Variants in CFAP54 observed in about 807,000 individuals in gnomAD.
CFAP54 encodes cilia- and flagella-associated protein 54.
In CFAP54, 290 loss-of-function variants were observed where a neutral mutation model predicts 370.4. The observed-to-expected ratio is 0.78, with a 90% CI of 0.71 to 0.86. The LOEUF is 0.86. CFAP54 is among the 40% of genes least tolerant of loss of function. CFAP54 has a pLI of 0.00. For synonymous variants in CFAP54, 1,206 were observed against 1,236.5 expected, an observed-to-expected ratio of 0.98 and a Z score of 0.52; for missense variants, 3,399 against 3,528.7, an observed-to-expected ratio of 0.96 and a Z score of 0.93.
chr12:96,642,230 T>C (rs1956738661), intron 32 of CFAP54, among the ~76,000 whole-genome samples: 1 of 152,178 alleles, frequency 6.6e-6, no homozygotes, highest in African/African-American at 2.4e-5. Flanking sequence ...CATGCTTCCA[T>C]CATTTTTTTG....
chr12:96,826,859 T>G (rs1392633109), intron 65 of CFAP54, among the ~76,000 whole-genome samples: 30 of 117,778 alleles, frequency 2.5e-4, no homozygotes, highest in African/African-American at 7.6e-4. Flanking sequence ...TATAATATAT[T>G]ATATAATATT....
Position 96,589,627 on chromosome 12 carries a change from A to G in CFAP54, c.3212+64A>G. 6 of 1,000,302 alleles carry G rather than the reference A, an allele frequency of 6.0e-6. No individual in the cohort carries two copies. The South Asian group carries it at 9.5e-5, about 16-fold the overall frequency. 62.0% of individuals were successfully genotyped at this position (1,000,302 alleles called of 1,614,324 possible). A position where few individuals can be genotyped will look rare whatever the true frequency, so the allele number is the denominator to read the frequency against. On this transcript the variant is annotated intron_variant, in intron 23 of 67. Transcript: ENST00000524981. ...TTGAAAATATAGATGCTGGATGCGA[A>G]GCCTGGAATTATTTTTAATATCATG...
At chr12:96,539,986 A>G (rs1325790278) in intron 13 of CFAP54, among the ~76,000 whole-genome samples, 3 of 152,224 alleles carry the variant, frequency 2.0e-5, no homozygotes, top group Admixed American at 6.5e-5. Context: ...TTTATCATGT[A>G]CTCTGTTAAG....
chr12:96,561,753 A>G (rs1955819250), intron 17 of CFAP54, among the ~76,000 whole-genome samples: 1 of 144,616 alleles, frequency 6.9e-6, no homozygotes, highest in Admixed American at 7.0e-5. Context: ...ACACATGTAT[A>G]TATATTTAAA....
At chr12:96,571,077 C>T (rs143861751) in intron 19 of CFAP54, among the ~76,000 whole-genome samples, 9 of 152,286 alleles carry the variant, frequency 5.9e-5, no homozygotes, top group Non-Finnish European at 1.3e-4. Context: ...GGTACTTTAT[C>T]ATTCCAGTCC....
intron 25 of CFAP54, among the ~76,000 whole-genome samples, chr12:96,595,183 A>G (rs917559505): frequency 7.9e-5 from 12 of 152,284 alleles, no homozygotes; most frequent in African/African-American, 2.4e-4. Flanking sequence ...TCCTTGCCAC[A>G]TGGCCCTTCC....
intron 12 of CFAP54, among the ~76,000 whole-genome samples, 191 bp from the exon 13 acceptor site, chr12:96,538,193 T>A (rs995599550): frequency 6.6e-6 from 1 of 152,136 alleles, no homozygotes; most frequent in Non-Finnish European, 1.5e-5. Flanking sequence ...AATCACTTAA[T>A]CTCCTTGTGT....
intron 26 of CFAP54, among the ~76,000 whole-genome samples, chr12:96,620,358 C>A (rs1956472579): frequency 6.6e-6 from 1 of 152,106 alleles, no homozygotes; most frequent in Non-Finnish European, 1.5e-5. Flanking sequence ...CTGTGCTGTT[C>A]TGGTGATAGT....
intron 26 of CFAP54, among the ~76,000 whole-genome samples, chr12:96,616,374 AG>A (rs1956417880): frequency 6.8e-6 from 1 of 147,554 alleles, no homozygotes; most frequent in South Asian, 2.2e-4. Context: ...GGGTGGTGGG[AG>A]GGGGGAGGGA....
intron 26 of CFAP54, among the ~76,000 whole-genome samples, chr12:96,602,707 T>G (rs914194323): frequency 5.3e-5 from 8 of 152,168 alleles, no homozygotes; most frequent in Admixed American, 1.3e-4. Flanking sequence ...TTACCATTAT[T>G]TAATGGCCTT....
At chr12:96,643,051 T>G (rs979706023) in intron 32 of CFAP54, among the ~76,000 whole-genome samples, 5 of 152,198 alleles carry the variant, frequency 3.3e-5, no homozygotes, top group Non-Finnish European at 1.5e-5. Flanking sequence ...TTGACTCATC[T>G]TGGCCTTTTG....
chr12:96,540,216 C>A (rs1469008652), intron 13 of CFAP54: 1 of 152,256 alleles, frequency 6.6e-6, no homozygotes, highest in Non-Finnish European at 1.5e-5. Context: ...GATTCTCCTG[C>A]CTCAGGCTTC....
intron 50 of CFAP54, among the ~76,000 whole-genome samples, chr12:96,736,021 G>A (rs1455646368): frequency 6.6e-6 from 1 of 152,130 alleles, no homozygotes; most frequent in Non-Finnish European, 1.5e-5. Context: ...GCCCATAAAT[G>A]TAAAATAGTT....
At chr12:96,780,146 A>G (rs1348167365) in intron 60 of CFAP54, among the ~76,000 whole-genome samples, 1 of 151,816 alleles carries the variant, frequency 6.6e-6, no homozygotes, top group East Asian at 1.9e-4. Flanking sequence ...TTACCTTTTT[A>G]TTCAGTAGTA....
intron 66 of CFAP54, among the ~76,000 whole-genome samples, chr12:96,838,355 G>A (rs1394769943): frequency 1.3e-5 from 2 of 152,114 alleles, no homozygotes; most frequent in Admixed American, 1.3e-4. Context: ...AAGGCACTGG[G>A]CTGGACTCAC....
Position 96,799,550 on chromosome 12 carries a change from C to A in CFAP54, c.8850+7051C>A, listed in dbSNP as rs554152813. ...GCACCATTTCTCACTTTGGCCCCTTCATTCTGCTACCTTAGGCTGGAAATC... is the reference window on the plus strand; with the variant it reads ...GCACCATTTCTCACTTTGGCCCCTTAATTCTGCTACCTTAGGCTGGAAATC... On this transcript the variant is annotated intron_variant, in intron 63 of 67. Transcript: ENST00000524981. 5.3e-5 allele frequency among the ~76,000 whole-genome samples: 8 copies of A among 152,286 alleles called. No homozygotes were observed. In the South Asian group the frequency reaches 1.7e-3, roughly 32 times the overall value.
chr12:96,635,247 C>T (rs952224254), intron 32 of CFAP54, among the ~76,000 whole-genome samples: 3 of 151,868 alleles, frequency 2.0e-5, no homozygotes, highest in Non-Finnish European at 2.9e-5. Context: ...GGGATGAAGC[C>T]CTTTATCACA....
chr12:96,748,934 C>T (rs1958151598), intron 55 of CFAP54, among the ~76,000 whole-genome samples: 1 of 152,200 alleles, frequency 6.6e-6, no homozygotes, highest in Non-Finnish European at 1.5e-5. Context: ...TGCCTAGTCA[C>T]TCTCTGTTCT....
intron 33 of CFAP54, 53 bp from the exon 34 acceptor site, chr12:96,647,822 T>G: frequency 1.4e-6 from 2 of 1,402,042 alleles, no homozygotes; most frequent in East Asian, 5.4e-5. Context: ...TTTGACAGAT[T>G]TAATTCAATT....
Sources: allele counts gnomAD v4.1 joint callset (sites outside exome capture counted in the v4.1 genomes callset), GRCh38; gene constraint gnomAD v4.1.1; transcripts MANE v1.5; gene names NCBI Gene and HGNC (gene_info 2026-07-23, HGNC 2026-07-21).